The following ATG4A variants were observed in gnomAD, a reference collection of about 807,000 sequenced individuals.
The protein encoded by ATG4A is cysteine protease ATG4A.
A neutral mutation model predicts 38.4 loss-of-function variants in ATG4A; 22 were observed. The ratio of observed to expected loss-of-function variants is 0.57; its 90% confidence interval spans 0.41 to 0.82. ATG4A has a LOEUF of 0.82. Ranked by LOEUF, ATG4A falls within the 40% of genes least tolerant of loss-of-function variation. The probability of loss-of-function intolerance (pLI) is 0.00; values close to 1 mark genes in which losing one functional copy is unlikely to be tolerated. For missense variants in ATG4A, 220 were observed against 290.0 expected (o/e 0.76, Z 1.75); for synonymous variants, 86 against 100.7 (o/e 0.85, Z 0.88).
chrX:108,150,066 A>G, intron 9 of ATG4A, 86 bp from the exon 10 acceptor site: 1 of 1,051,714 alleles, frequency 9.5e-7, no homozygotes, highest in South Asian at 2.2e-5. Context: ...GGAGGGGTTA[A>G]GAGAACCAGA....
At chrX:108,096,566 G>T (rs2031825068) in intron 1 of ATG4A, among the ~76,000 whole-genome samples, 1 of 112,261 alleles carries the variant, frequency 8.9e-6, no homozygotes, top group Non-Finnish European at 1.9e-5. Context: ...GATCTGATTG[G>T]TAGAAAAGCT....
intron 1 of ATG4A, among the ~76,000 whole-genome samples, chrX:108,102,229 G>GT (rs757615193): frequency 1.3e-4 from 14 of 110,589 alleles, no homozygotes; most frequent in African/African-American, 4.3e-4. Flanking sequence ...AGCACTTACT[G>GT]TTTTTTTTAA....
At position 108,138,142 on chromosome X, in the gene ATG4A, G is replaced by T; in HGVS notation, c.765G>T (p.Gly255=). Residue 255 remains glycine, a synonymous_variant, in exon 9 of 13, where the codon GGG becomes GGT. Transcript: ENST00000372232. ...KECFKMPQSL[G]ALGGKPNNAY... is the part of the protein sequence containing the mutation. ...GTTTTAAGATGCCACAGTCTTTAGG[G>T]GCATTAGGAGGAAAACCAAATAACG... The T allele has an allele frequency of 8.3e-7, 1 of 1,210,567 alleles. No individual in the cohort carries two copies. Among genetic ancestry groups the T allele is most frequent in the Non-Finnish European group, 1.1e-6 (1 of 894,611 alleles).
At chrX:108,128,878 G>A in intron 3 of ATG4A, 26 bp downstream of exon 3, 1 of 1,070,005 alleles carries the variant, frequency 9.3e-7, no homozygotes, top group Non-Finnish European at 1.3e-6. Context: ...GTTTTACTGT[G>A]CTTTATTCCT....
upstream of ATG4A, chrX:108,088,945 C>T (rs190558636): frequency 4.7e-5 from 31 of 654,946 alleles, no homozygotes; most frequent in African/African-American, 2.0e-4. Flanking sequence ...TTTGAAAATA[C>T]GAAATGCAGA....
At chrX:108,148,338 C>T (rs1851414375) in intron 9 of ATG4A, among the ~76,000 whole-genome samples, 1 of 107,144 alleles carries the variant, frequency 9.3e-6, no homozygotes, top group Non-Finnish European at 1.9e-5. Context: ...CCTTTCCCAG[C>T]CCACTGACTC....
intron 9 of ATG4A, among the ~76,000 whole-genome samples, chrX:108,140,118 A>G (rs1305189089): frequency 9.0e-6 from 1 of 111,505 alleles, no homozygotes; most frequent in Non-Finnish European, 1.9e-5. Flanking sequence ...ACTTTGGAGG[A>G]ATCTCAGTGA....
intron 6 of ATG4A, among the ~76,000 whole-genome samples, chrX:108,136,157 TTATTA>T (rs1261881654): frequency 9.0e-6 from 1 of 110,779 alleles, no homozygotes; most frequent in African/African-American, 3.3e-5. Context: ...ATTATTATTA[TTATTA>T]TATTATTGTT....
In ATG4A at chrX:108,137,859, C is replaced by T. The variant is rs752211171; in HGVS notation, c.603C>T (p.Pro201=). 27 of 1,192,951 alleles carry T rather than the reference C, an allele frequency of 2.3e-5. No individual in the cohort carries two copies. Among genetic ancestry groups the T allele is most frequent in the Admixed American group, 7.0e-5 (3 of 42,581 alleles). ...CTGACACAGCTGGTGACAGGCCTCC[C>T]GATTCTTTAACTGCTTCAAACCAGA... The part of the protein sequence containing the change: ...LSADTAGDRP[P]DSLTASNQSK... The change falls in exon 8 of 13, where the codon CCC becomes CCT. Residue 201 remains proline (P), a synonymous_variant. Coordinates refer to ENST00000372232, the MANE Select transcript of ATG4A (RefSeq NM_052936.5).
intron 1 of ATG4A, among the ~76,000 whole-genome samples, chrX:108,121,183 C>G (rs1319084240): frequency 9.0e-6 from 1 of 111,561 alleles, no homozygotes; most frequent in Non-Finnish European, 1.9e-5. Flanking sequence ...AAGCTGGGGA[C>G]TAACAGGGGA....
upstream of ATG4A, among the ~76,000 whole-genome samples, chrX:108,089,426 G>T (rs1385582480): frequency 8.9e-6 from 1 of 112,113 alleles, no homozygotes; most frequent in Non-Finnish European, 1.9e-5. Context: ...AATGGGGGAA[G>T]AAATGTTCAT....
intron 1 of ATG4A, among the ~76,000 whole-genome samples, chrX:108,119,837 A>C (rs1046389017): frequency 1.8e-5 from 2 of 112,059 alleles, no homozygotes; most frequent in African/African-American, 3.2e-5. Context: ...ATTCATTTTG[A>C]TTAAATATTT....
chrX:108,137,931 C>T lies in ATG4A; in HGVS notation c.675C>T (p.Leu225=), dbSNP rs781462126. 6 of 1,207,726 alleles carry T rather than the reference C, an allele frequency of 5.0e-6. No individual in the cohort carries two copies. The highest frequency in any genetic ancestry group is 2.3e-4 in the Middle Eastern group (1 of 4,320). ...GCTCAGCCTGGAAACCCCTGCTGCT[C>T]ATTGTGCCCCTTCGCCTGGGCATAA... ...AYCSAWKPLL[L]IVPLRLGINQ... The change falls in exon 8 of 13, where the codon CTC becomes CTT. Residue 225 remains leucine, a synonymous_variant. Coordinates refer to ENST00000372232, the MANE Select transcript of ATG4A (RefSeq NM_052936.5).
At chrX:108,110,527 T>TAGAA (rs1395501989) in intron 1 of ATG4A, among the ~76,000 whole-genome samples, 1 of 111,746 alleles carries the variant, frequency 8.9e-6, no homozygotes, top group Non-Finnish European at 1.9e-5. Flanking sequence ...TACAATGGTA[T>TAGAA]AGAACACTAG....
At chrX:108,148,467 C>CAAA (rs59447671) in intron 9 of ATG4A, among the ~76,000 whole-genome samples, 2 of 78,827 alleles carry the variant, frequency 2.5e-5, no homozygotes, top group African/African-American at 4.8e-5. Context: ...GACCCTGTCT[C>CAAA]AAAAAAAAAA....
chrX:108,105,694 C>A (rs1210501350), intron 1 of ATG4A, among the ~76,000 whole-genome samples: 4 of 111,987 alleles, frequency 3.6e-5, no homozygotes, highest in African/African-American at 1.3e-4. Context: ...TTCTCAGCAG[C>A]CTCAAGGCAG....
At chrX:108,149,371 A>T (rs1033876656) in intron 9 of ATG4A, among the ~76,000 whole-genome samples, 21 of 112,850 alleles carry the variant, frequency 1.9e-4, no homozygotes, top group Non-Finnish European at 2.4e-4. Context: ...AGCCCTTTGA[A>T]TACCAGGTCA....
chrX:108,094,878 G>A (rs2031756862), intron 1 of ATG4A, among the ~76,000 whole-genome samples: 1 of 112,613 alleles, frequency 8.9e-6, no homozygotes, highest in Non-Finnish European at 1.9e-5. Context: ...ACTGCTGCTG[G>A]AACTGTAGTC....
intron 1 of ATG4A, among the ~76,000 whole-genome samples, chrX:108,122,811 G>T (rs905704124): frequency 1.8e-5 from 2 of 112,235 alleles, no homozygotes; most frequent in Non-Finnish European, 3.8e-5. Context: ...ACAAAGCTTT[G>T]AAGAAAAAGC....
Sources: gnomAD v4.1 joint callset for allele counts (sites outside exome capture counted in the v4.1 genomes callset) on GRCh38, gnomAD v4.1.1 for gene constraint, MANE v1.5 for transcripts, NCBI Gene and HGNC (gene_info 2026-07-23, HGNC 2026-07-21) for gene names.